CRIM1: variants seen among roughly 807,000 people sequenced by gnomAD.
The protein encoded by CRIM1 is cysteine rich transmembrane BMP regulator 1.
In CRIM1, 32 loss-of-function variants were observed where a neutral mutation model predicts 116.4. The ratio of observed to expected loss-of-function variants is 0.27; its 90% CI spans 0.21 to 0.37. The LOEUF (loss-of-function observed/expected upper bound fraction) is 0.37. Among genes scored for constraint, CRIM1 ranks in the 10% least tolerant of loss-of-function variants. CRIM1 has a pLI of 1.00. For missense variants in CRIM1, 1,331 were observed against 1,354.8 expected, an observed-to-expected ratio of 0.98 and a Z score of 0.28; for synonymous variants, 590 against 509.2, an observed-to-expected ratio of 1.16 and a Z score of -2.13.
chr2:36,372,855 A>G (rs1411333136), intron 1 of CRIM1, among the ~76,000 whole-genome samples: 1 of 152,216 alleles, frequency 6.6e-6, no homozygotes, highest in South Asian at 2.1e-4. Context: ...ACTGATGGCT[A>G]AGTAAAGTTA....
At position 36,442,606 on chromosome 2, in the gene CRIM1, C is replaced by G; in HGVS notation, c.749-9C>G. ...CAATAAACGGTGCCTCTCTGTTTGC[C>G]CCTTTCAGTTTTCGGCGTGGACTGC... On this transcript the variant is annotated splice_polypyrimidine_tract_variant and intron_variant, in intron 3 of 16. Coordinates refer to ENST00000280527, the MANE Select transcript of CRIM1 (RefSeq NM_016441.3). The G allele has an allele frequency of 6.2e-7, 1 of 1,614,110 alleles. No homozygotes were observed. The highest frequency in any genetic ancestry group is 8.5e-7 in the Non-Finnish European group (1 of 1,179,980).
intron 13 of CRIM1, among the ~76,000 whole-genome samples, chr2:36,526,360 G>A (rs1377318632): frequency 6.6e-6 from 1 of 152,184 alleles, no homozygotes; most frequent in African/African-American, 2.4e-5. Context: ...GATTTCATAT[G>A]TGGTTCCTTG....
chr2:36,479,687 G>C lies in CRIM1; in HGVS notation c.1365G>C (p.Val455=). Residue 455 remains valine (V), a synonymous_variant, in exon 7 of 17, where the codon GTG becomes GTC. Transcript: ENST00000280527. Reference sequence around the variant, plus strand: ...AAGTGCCTGGGGAGTGTTGCCCTGTGTGCGAAGGTAAATCTTGCAGATGCT... The same window carrying C: ...AAGTGCCTGGGGAGTGTTGCCCTGTCTGCGAAGGTAAATCTTGCAGATGCT... ...PVKVPGECCP[V]CEEPTIITVD... is the part of the protein sequence containing the mutation. 6.2e-7 allele frequency: 1 copy of C among 1,614,104 alleles called. No homozygotes were observed.
Position 36,549,585 on chromosome 2 carries a change from G to GTTGT in CRIM1, c.*886_*889dup, listed in dbSNP as rs1558431230. The GTTGT allele has an allele frequency of 6.6e-6, 1 of 152,264 alleles. No homozygotes were observed. The highest frequency in any genetic ancestry group is 1.9e-4 in the East Asian group (1 of 5,168). The allele number at this position is 152,264 out of a possible 1,614,324, so 9.4% of individuals were successfully genotyped here. A position where few individuals can be genotyped will look rare whatever the true frequency, so the allele number is the denominator to read the frequency against. The stretch of plus-strand genomic sequence containing the variant: ...GTTGCTTTGTTCTGTTATATTGTTG[G>GTTGT]TTGTTCATAGTTTTTGTTGAAGCTC... On this transcript the variant is annotated 3_prime_UTR_variant, in exon 17 of 17. Transcript: ENST00000280527.
At chr2:36,527,678 C>G (rs573834723) in intron 13 of CRIM1, among the ~76,000 whole-genome samples, 23 of 152,310 alleles carry the variant, frequency 1.5e-4, no homozygotes, top group African/African-American at 4.6e-4. Flanking sequence ...TATATAGCAT[C>G]TCTTTGGAAC....
rs1558372693 is a variant in CRIM1 at position 36,499,205 on chromosome 2, C to T, written c.1373-14C>T. The stretch of plus-strand genomic sequence containing the variant: ...TATGTTTCATTGGTTATTTTTTTCT[C>T]TATTTATTATTAGAACCAACCATCA... On this transcript the variant is annotated splice_polypyrimidine_tract_variant and intron_variant, in intron 7 of 16. Transcript: ENST00000280527. 2.5e-6 allele frequency: 4 copies of T among 1,595,774 alleles called. No homozygotes were observed. The South Asian group carries it at 3.4e-5, about 13-fold the overall frequency.
chr2:36,495,115 C>G (rs1171363148), intron 7 of CRIM1, among the ~76,000 whole-genome samples: 1 of 152,096 alleles, frequency 6.6e-6, no homozygotes, highest in East Asian at 1.9e-4. Flanking sequence ...GCATCAGTGC[C>G]GCCAGAAATC....
chr2:36,463,002 A>G (rs1677703964), intron 4 of CRIM1, among the ~76,000 whole-genome samples: 1 of 152,208 alleles, frequency 6.6e-6, no homozygotes, highest in Non-Finnish European at 1.5e-5. Flanking sequence ...CTCACACAAA[A>G]CAGGCAAACC....
chr2:36,524,252 G>A (rs537828643), intron 13 of CRIM1, among the ~76,000 whole-genome samples: 32 of 152,144 alleles, frequency 2.1e-4, no homozygotes, highest in Non-Finnish European at 2.6e-4. Flanking sequence ...TAAGTGGAGC[G>A]AAAAATGTAT....
chr2:36,443,129 A>G (rs916324054), intron 4 of CRIM1, among the ~76,000 whole-genome samples: 2 of 152,174 alleles, frequency 1.3e-5, no homozygotes, highest in East Asian at 1.9e-4. Context: ...GTGATGAAAC[A>G]TTGGGACCCT....
At chr2:36,499,156 T>G in intron 7 of CRIM1, 63 bp from the exon 8 acceptor site, 1 of 1,325,006 alleles carries the variant, frequency 7.5e-7, no homozygotes, top group Non-Finnish European at 1.1e-6. Context: ...TTTCAAAAAT[T>G]GAATAGCATC....
chr2:36,432,768 A>T (rs531297665), intron 2 of CRIM1, among the ~76,000 whole-genome samples: 2 of 151,032 alleles, frequency 1.3e-5, no homozygotes, highest in African/African-American at 4.8e-5. Flanking sequence ...TTGACTGCAG[A>T]TTGGAGTCAG....
At chr2:36,426,222 A>G (rs1674435727) in intron 2 of CRIM1, among the ~76,000 whole-genome samples, 2 of 152,202 alleles carry the variant, frequency 1.3e-5, no homozygotes, top group African/African-American at 2.4e-5. Context: ...ATTTCTGGAA[A>G]TACCTCAGTG....
intron 5 of CRIM1, among the ~76,000 whole-genome samples, chr2:36,471,760 C>A (rs551563362): frequency 7.4e-6 from 1 of 134,516 alleles, no homozygotes; most frequent in East Asian, 2.3e-4. Context: ...CACACACACA[C>A]CATCTTACAA....
In CRIM1 at chr2:36,513,595, C is replaced by G. The variant is rs200415445; in HGVS notation, c.1820C>G (p.Thr607Ser). 7 of 1,614,202 alleles carry G rather than the reference C, an allele frequency of 4.3e-6. No individual in the cohort carries two copies. The highest frequency in any genetic ancestry group is 5.9e-6 in the Non-Finnish European group (7 of 1,180,026). The change falls in exon 11 of 17, where the codon ACT becomes AGT. Residue 607 changes from threonine to serine, a missense_variant. This residue lies in a region of CRIM1 where 358 missense variants were observed against 436.1 expected (regional missense o/e 0.82). Transcript: ENST00000280527. ...ASAGPPILSG[T>S]CLTVDGHHHK... is the part of the protein sequence containing the mutation. ...GCTGGGCCACCCATCCTGTCGGGCA[C>G]TTGTCTCACCGTGGATGGTCATCAT...
intron 1 of CRIM1, among the ~76,000 whole-genome samples, chr2:36,380,399 G>C (rs1194408160): frequency 6.6e-6 from 1 of 152,142 alleles, no homozygotes; most frequent in Non-Finnish European, 1.5e-5. Context: ...GGCCACAGTT[G>C]TCCAGTCCCA....
At chr2:36,460,916 G>T (rs191609487) in intron 4 of CRIM1, among the ~76,000 whole-genome samples, 4 of 152,322 alleles carry the variant, frequency 2.6e-5, no homozygotes, top group Admixed American at 2.6e-4. Flanking sequence ...CATAAGGGCT[G>T]GATGAGGAAT....
At chr2:36,469,974 A>G (rs979110400) in intron 5 of CRIM1, among the ~76,000 whole-genome samples, 7 of 152,194 alleles carry the variant, frequency 4.6e-5, no homozygotes, top group Admixed American at 1.3e-4. Flanking sequence ...GAATAAGCCA[A>G]TTGAAACTAG....
intron 1 of CRIM1, among the ~76,000 whole-genome samples, chr2:36,361,479 G>A (rs975175891): frequency 6.6e-6 from 1 of 152,114 alleles, no homozygotes; most frequent in Non-Finnish European, 1.5e-5. Flanking sequence ...GGCAGGGGAT[G>A]GGCATTATGA....
Sources: gnomAD v4.1 joint callset for allele counts (sites outside exome capture counted in the v4.1 genomes callset) on GRCh38, gnomAD v4.1.1 for gene constraint, gnomAD v4.1.1 regional missense constraint, MANE v1.5 for transcripts, NCBI Gene and HGNC (gene_info 2026-07-23, HGNC 2026-07-21) for gene names.